Variants in DRC4 observed in about 807,000 individuals in gnomAD.
The protein encoded by DRC4 is dynein regulatory complex subunit 4.
the DRC4 span, among the ~76,000 whole-genome samples, chr16:90,023,555 C>G: frequency 6.6e-6 from 1 of 152,214 alleles, no homozygotes; most frequent in East Asian, 1.9e-4. Context: ...CCTTCCTCCA[C>G]TGCCTTCAGG....
the DRC4 span, chr16:90,040,526 C>T: frequency 1.3e-6 from 2 of 1,577,210 alleles, no homozygotes; most frequent in Non-Finnish European, 1.7e-6. Context: ...CCTAGACAGG[C>T]TCCTGACCCC....
At chr16:90,043,090 C>T in the DRC4 span, 8 of 1,315,234 alleles carry the variant, frequency 6.1e-6, no homozygotes, top group African/African-American at 8.8e-5. Flanking sequence ...TGGCTTTATC[C>T]TTCTGCACCG....
the DRC4 span, among the ~76,000 whole-genome samples, chr16:90,042,013 C>T: frequency 0.28 from 42,499 of 151,802 alleles, 9,109 homozygotes; most frequent in African/African-American, 0.6. Flanking sequence ...TCTCGGCGCA[C>T]TGCAACCTCC....
At chr16:90,020,305 CAAAAAAA>C in the DRC4 span, 1 of 315,908 alleles carries the variant, frequency 3.2e-6, no homozygotes, top group Non-Finnish European at 5.7e-6. Context: ...TTGTATGTCT[CAAAAAAA>C]AAAAAGAAAA....
the DRC4 span, chr16:90,037,411 G>A: frequency 1.1e-5 from 18 of 1,603,112 alleles, no homozygotes; most frequent in African/African-American, 2.7e-5. Context: ...TGAGTTTCCC[G>A]CTGGATTCCT....
At chr16:90,040,559 G>A in the DRC4 span, 2 of 1,473,480 alleles carry the variant, frequency 1.4e-6, no homozygotes, top group Non-Finnish European at 1.8e-6. Flanking sequence ...CATCCCTGTG[G>A]CAAGAGTCTT....
chr16:90,037,342 G>A, the DRC4 span: 2 of 1,614,078 alleles, frequency 1.2e-6, no homozygotes, highest in Middle Eastern at 1.6e-4. Flanking sequence ...CTCGGGAGGA[G>A]ATGAGCGAGA....
chr16:90,027,159 C>A, the DRC4 span, among the ~76,000 whole-genome samples: 89 of 149,334 alleles, frequency 6.0e-4, no homozygotes, highest in African/African-American at 1.7e-3. Flanking sequence ...GATCTCGGCT[C>A]ACTGCAAACT....
At chr16:90,026,667 G>C in the DRC4 span, among the ~76,000 whole-genome samples, 5 of 147,292 alleles carry the variant, frequency 3.4e-5, 1 homozygote, top group Admixed American at 3.5e-4. Flanking sequence ...GGAGTGAGTG[G>C]GTTTGGAATG....
chr16:90,038,896 G>A, the DRC4 span, among the ~76,000 whole-genome samples: 1 of 152,234 alleles, frequency 6.6e-6, no homozygotes, highest in Admixed American at 6.5e-5. Context: ...TGTCTGTGGT[G>A]TGCGGGGCCA....
the DRC4 span, among the ~76,000 whole-genome samples, chr16:90,031,672 T>C: frequency 6.6e-6 from 1 of 152,146 alleles, no homozygotes; most frequent in African/African-American, 2.4e-5. Flanking sequence ...GGGTTTAAAA[T>C]GCTGCCTCCA....
the DRC4 span, chr16:90,022,683 C>A: frequency 1.4e-6 from 2 of 1,421,816 alleles, no homozygotes; most frequent in East Asian, 6.0e-5. Flanking sequence ...GGCGGGCGCC[C>A]TGGTCCCGGA....
the DRC4 span, chr16:90,036,560 A>G: frequency 3.9e-5 from 62 of 1,591,152 alleles, no homozygotes; most frequent in South Asian, 5.8e-4. Context: ...CACCCTCAAC[A>G]ACCTGGCCCT....
At chr16:90,039,458 T>C in the DRC4 span, among the ~76,000 whole-genome samples, 1 of 140,694 alleles carries the variant, frequency 7.1e-6, no homozygotes, top group South Asian at 2.3e-4. Context: ...CGATCTCGGC[T>C]CACTGCAACC....
At chr16:90,025,141 C>T in the DRC4 span, among the ~76,000 whole-genome samples, 8 of 150,882 alleles carry the variant, frequency 5.3e-5, no homozygotes, top group Non-Finnish European at 7.4e-5. Context: ...CTCGGCCTCC[C>T]GAGTACCTGG....
chr16:90,029,473 T>C, the DRC4 span: 6 of 498,696 alleles, frequency 1.2e-5, no homozygotes, highest in Non-Finnish European at 2.0e-5. Flanking sequence ...CTCAACACCA[T>C]GTGAGCCAAA....
chr16:90,028,031 A>G, the DRC4 span: 2 of 360,926 alleles, frequency 5.5e-6, no homozygotes, highest in Non-Finnish European at 1.0e-5. Flanking sequence ...CTTTTTTTGC[A>G]CCTGATGTGT....
At chr16:90,040,423 GAGA>G in the DRC4 span, 11 of 1,612,366 alleles carry the variant, frequency 6.8e-6, no homozygotes, top group East Asian at 4.5e-5. Context: ...CGCCGCTGTG[GAGA>G]AGAAGGAGGT....
At chr16:90,030,381 A>AC in the DRC4 span, among the ~76,000 whole-genome samples, 1 of 151,968 alleles carries the variant, frequency 6.6e-6, no homozygotes, top group Non-Finnish European at 1.5e-5. Flanking sequence ...CTGCTCTGTC[A>AC]CCCAGGTGGA....
Sources: allele counts gnomAD v4.1 joint callset (sites outside exome capture counted in the v4.1 genomes callset), GRCh38; gene constraint gnomAD v4.1.1; transcripts MANE v1.5; gene names NCBI Gene and HGNC (gene_info 2026-07-23, HGNC 2026-07-21).